Variants in DPP10 observed in about 807,000 individuals in gnomAD.
DPP10 encodes the protein dipeptidyl peptidase like 10.
A neutral mutation model predicts 120.9 loss-of-function variants in DPP10; 33 were observed. The observed-to-expected ratio is 0.27, with a 90% CI of 0.21 to 0.37. The LOEUF is 0.37. DPP10 is among the 10% of genes least tolerant of loss of function. DPP10 has a pLI of 1.00. For missense variants in DPP10, 816 were observed against 942.8 expected (o/e 0.87, Z 1.76); for synonymous variants, 337 against 326.1 (o/e 1.03, Z -0.36).
At chr2:114,517,967 T>A (rs1684740004) in intron 1 of DPP10, among the ~76,000 whole-genome samples, 1 of 152,206 alleles carries the variant, frequency 6.6e-6, no homozygotes, top group Non-Finnish European at 1.5e-5. Context: ...TTCAGTCATT[T>A]CATTTGTAGA....
chr2:115,358,808 C>T (rs972612178), intron 3 of DPP10, among the ~76,000 whole-genome samples: 5 of 152,132 alleles, frequency 3.3e-5, no homozygotes, highest in Admixed American at 2.6e-4. Context: ...GAAGGGGAAG[C>T]AAACATATCC....
chr2:114,765,705 A>T (rs1046720070), intron 1 of DPP10, among the ~76,000 whole-genome samples: 4 of 152,324 alleles, frequency 2.6e-5, no homozygotes, highest in African/African-American at 9.6e-5. Context: ...ATATCGAACA[A>T]TTTGGAAATT....
chr2:115,187,094 T>C (rs2054511631), intron 1 of DPP10, among the ~76,000 whole-genome samples: 1 of 130,426 alleles, frequency 7.7e-6, no homozygotes, highest in Admixed American at 9.3e-5. Context: ...CGGACTGCAA[T>C]GGCGCAATCT....
intron 1 of DPP10, among the ~76,000 whole-genome samples, chr2:114,912,403 A>C (rs1216700137): frequency 6.6e-6 from 1 of 152,188 alleles, no homozygotes. Context: ...TTTGCTATGA[A>C]TAATAACTAA....
intron 1 of DPP10, among the ~76,000 whole-genome samples, chr2:115,246,541 A>G (rs1350750273): frequency 6.6e-6 from 1 of 152,146 alleles, no homozygotes; most frequent in African/African-American, 2.4e-5. Context: ...CCTCACAGAG[A>G]CAGGAGAAAT....
chr2:114,857,708 C>A (rs960501781), intron 1 of DPP10, among the ~76,000 whole-genome samples: 1 of 152,100 alleles, frequency 6.6e-6, no homozygotes, highest in Admixed American at 6.5e-5. Flanking sequence ...ATTACTTTTG[C>A]ACTAATGTAG....
intron 1 of DPP10, among the ~76,000 whole-genome samples, chr2:114,680,216 AC>A (rs1391037045): frequency 2.0e-5 from 3 of 151,932 alleles, no homozygotes; most frequent in African/African-American, 7.2e-5. Context: ...ATTAATAAAA[AC>A]TTTTCATGTT....
intron 1 of DPP10, among the ~76,000 whole-genome samples, chr2:115,291,035 G>C (rs909682120): frequency 6.6e-6 from 1 of 152,100 alleles, no homozygotes; most frequent in African/African-American, 2.4e-5. Context: ...GCAGGGTCTC[G>C]CTCTGTTGCC....
At chr2:115,052,951 CAA>C (rs70941023) in intron 1 of DPP10, among the ~76,000 whole-genome samples, 137 of 121,952 alleles carry the variant, frequency 1.1e-3, no homozygotes, top group Middle Eastern at 4.0e-3. Context: ...GACTCCATCT[CAA>C]AAAAAAAAAA....
At chr2:115,653,188 T>C (rs2087960972) in intron 5 of DPP10, among the ~76,000 whole-genome samples, 1 of 151,780 alleles carries the variant, frequency 6.6e-6, no homozygotes, top group Non-Finnish European at 1.5e-5. Flanking sequence ...ATAAGAAGCA[T>C]TAAAATGAGA....
chr2:114,914,523 C>T (rs1324445767), intron 1 of DPP10, among the ~76,000 whole-genome samples: 1 of 152,130 alleles, frequency 6.6e-6, no homozygotes. Context: ...GAATTTATTA[C>T]CACCACCTGC....
chr2:115,303,786 C>T (rs1559392006), intron 1 of DPP10, among the ~76,000 whole-genome samples: 1 of 151,852 alleles, frequency 6.6e-6, no homozygotes, highest in Non-Finnish European at 1.5e-5. Flanking sequence ...CAAACCTTAA[C>T]ACACTCCAGT....
At chr2:114,499,836 A>G (rs998214868) in intron 1 of DPP10, among the ~76,000 whole-genome samples, 1 of 152,238 alleles carries the variant, frequency 6.6e-6, no homozygotes, top group Non-Finnish European at 1.5e-5. Flanking sequence ...TGCTTATTTA[A>G]AATAAATTTC....
At chr2:115,810,124 T>C (rs146209487) in intron 19 of DPP10, among the ~76,000 whole-genome samples, 2,757 of 150,466 alleles carry the variant, frequency 0.018, 86 homozygotes, top group African/African-American at 0.062. Flanking sequence ...ATCGCACCAC[T>C]GCACTCCAGC....
intron 1 of DPP10, among the ~76,000 whole-genome samples, chr2:115,012,352 C>G (rs1014067404): frequency 6.6e-6 from 1 of 152,078 alleles, no homozygotes; most frequent in Non-Finnish European, 1.5e-5. Context: ...TTGAGAGCAC[C>G]ACCTCCTGGC....
intron 7 of DPP10, among the ~76,000 whole-genome samples, chr2:115,711,927 T>TG (rs2092331787): frequency 2.0e-5 from 3 of 149,106 alleles, no homozygotes; most frequent in African/African-American, 5.0e-5. Context: ...TTTTTTTTTT[T>TG]TTTTTTTTTT....
At chr2:115,067,618 C>T (rs1369088136) in intron 1 of DPP10, among the ~76,000 whole-genome samples, 1 of 145,070 alleles carries the variant, frequency 6.9e-6, no homozygotes, top group Non-Finnish European at 1.5e-5. Context: ...GATCCCAACA[C>T]TTTGGGAAGT....
rs567867996 is a variant in DPP10 at position 115,676,621 on chromosome 2, C to G, written c.442-13066C>G. Among the ~76,000 whole-genome samples the G allele has an allele frequency of 2.0e-5, 3 of 151,986 alleles. No homozygotes were observed. The South Asian group carries it at 6.3e-4, about 32-fold the overall frequency. ...AAGAATTTCTGAACTTACAGACAGG[C>G]CTTTTGAGATAAATGCATTAGCCAA... On this transcript the variant is annotated intron_variant, in intron 5 of 25. Coordinates refer to ENST00000410059, the MANE Select transcript of DPP10 (RefSeq NM_020868.6).
intron 1 of DPP10, among the ~76,000 whole-genome samples, chr2:115,186,443 C>A (rs2054441324): frequency 1.3e-5 from 2 of 152,182 alleles, no homozygotes; most frequent in South Asian, 4.1e-4. Context: ...CTGAGTGTAA[C>A]AGAGCATGCA....
Sources: gnomAD v4.1 joint callset for allele counts (sites outside exome capture counted in the v4.1 genomes callset) on GRCh38, gnomAD v4.1.1 for gene constraint, MANE v1.5 for transcripts, NCBI Gene and HGNC (gene_info 2026-07-23, HGNC 2026-07-21) for gene names.